Variants in EXTL3 observed in about 807,000 individuals in gnomAD.
EXTL3 encodes exostosin like glycosyltransferase 3.
A neutral mutation model predicts 69.3 loss-of-function variants in EXTL3; 27 were observed. That is an observed-to-expected ratio of 0.39 (90% CI 0.29 to 0.54). EXTL3 has a LOEUF of 0.54. Among genes scored for constraint, EXTL3 ranks in the 20% least tolerant of loss-of-function variants. EXTL3 has a pLI of 0.69. For synonymous variants in EXTL3, 511 were observed against 499.4 expected, an observed-to-expected ratio of 1.02 and a Z score of -0.31; for missense variants, 1,003 against 1,231.8, an observed-to-expected ratio of 0.81 and a Z score of 2.78.
chr8:28,709,690 C>T (rs1469217898), intron 1 of EXTL3, among the ~76,000 whole-genome samples: 2 of 152,136 alleles, frequency 1.3e-5, no homozygotes, highest in South Asian at 2.1e-4. Flanking sequence ...TTTAGTTTTA[C>T]AAGGAGAAAA....
chr8:28,754,716 G>A lies in EXTL3; in HGVS notation c.*3850G>A, dbSNP rs1238863983. On this transcript the variant is annotated 3_prime_UTR_variant, in exon 7 of 7. Transcript: ENST00000220562. ...TCTGCCAAGGTGGTAAATGTTAGCT[G>A]TTGATGGGATCATCACTGAAGTGGA... 6.6e-6 allele frequency: 1 copy of A among 152,242 alleles called. No individual in the cohort carries two copies. Among genetic ancestry groups the A allele is most frequent in the Non-Finnish European group, 1.5e-5 (1 of 68,082 alleles). The allele number at this position is 152,242 out of a possible 1,614,324, so 9.4% of individuals were successfully genotyped here. A position where few individuals can be genotyped will look rare whatever the true frequency, so the allele number is the denominator to read the frequency against.
chr8:28,696,538 T>A (rs1170987296), upstream of EXTL3: 1 of 152,224 alleles, frequency 6.6e-6, no homozygotes, highest in African/African-American at 2.4e-5. Context: ...TAAAGTATTC[T>A]GTGCATGCAT....
chr8:28,706,662 A>G (rs188482355), intron 1 of EXTL3, among the ~76,000 whole-genome samples: 12 of 152,332 alleles, frequency 7.9e-5, no homozygotes, highest in Admixed American at 6.5e-4. Flanking sequence ...ATATCACAGT[A>G]TCTTGTTTGA....
intron 1 of EXTL3, among the ~76,000 whole-genome samples, chr8:28,693,612 A>T (rs1473162335): frequency 1.3e-5 from 2 of 152,244 alleles, no homozygotes; most frequent in African/African-American, 4.8e-5. Flanking sequence ...TGAAACTGAT[A>T]TTAACTCAGT....
At chr8:28,673,813 A>T (rs17059295) in intron 1 of EXTL3, among the ~76,000 whole-genome samples, 2,193 of 152,252 alleles carry the variant, frequency 0.014, 56 homozygotes, top group African/African-American at 0.049. Flanking sequence ...AAAACTTTGT[A>T]TAGATTTTGG....
Position 28,750,640 on chromosome 8 carries a change from C to G in EXTL3, c.2551-17C>G, listed in dbSNP as rs773124186. 4.4e-6 allele frequency: 7 copies of G among 1,608,360 alleles called. No homozygotes were observed. Among genetic ancestry groups the G allele is most frequent in the Admixed American group, 3.3e-5 (2 of 60,014 alleles). On this transcript the variant is annotated splice_polypyrimidine_tract_variant and intron_variant, in intron 6 of 6. Coordinates refer to ENST00000220562, the MANE Select transcript of EXTL3 (RefSeq NM_001440.4). This position sits in a 1 kb window ranked among gnomAD's most constrained non-coding sequence, Gnocchi z 5.2. Reference sequence around the variant, plus strand: ...ATTAGCTGGGATTCCCACTCTGTCTCTCTCTCCCGTTTCCAGGTGACCTCA... The same window carrying G: ...ATTAGCTGGGATTCCCACTCTGTCTGTCTCTCCCGTTTCCAGGTGACCTCA...
At chr8:28,727,449 G>GT (rs1486233247) in intron 3 of EXTL3, among the ~76,000 whole-genome samples, 1 of 152,166 alleles carries the variant, frequency 6.6e-6, no homozygotes, top group African/African-American at 2.4e-5. Flanking sequence ...CCCCACCTAA[G>GT]TCTTCTAAAG....
chr8:28,676,411 C>T (rs561975027), intron 1 of EXTL3, among the ~76,000 whole-genome samples: 3 of 152,160 alleles, frequency 2.0e-5, no homozygotes, highest in Non-Finnish European at 2.9e-5. Flanking sequence ...GGGTGGCAGG[C>T]GCCAAGGGGG....
At chr8:28,738,532 T>C (rs1235860510) in intron 5 of EXTL3, among the ~76,000 whole-genome samples, 2 of 152,230 alleles carry the variant, frequency 1.3e-5, no homozygotes, top group African/African-American at 4.8e-5. Flanking sequence ...TTGCCTTCTG[T>C]GTCCGTGAGT....
chr8:28,717,120 G>A lies in EXTL3; in HGVS notation c.1061G>A (p.Arg354Lys). The change falls in exon 3 of 7, where the codon AGG becomes AAG. Residue 354 changes from arginine (R) to lysine (K), a missense_variant. By Grantham distance (26) the Arg-to-Lys change is conservative (BLOSUM62 2). This residue lies in a region of EXTL3 where 742 missense variants were observed against 815.4 expected (regional missense o/e 0.91). Transcript: ENST00000220562. The surrounding 1 kb of genome is among the most constrained non-coding windows in gnomAD (Gnocchi z 8.3). ...CAGGGCGAGAAGATTGAGTCTCTGAGGTCTAGCCTTCAGGAGGCCCGCTCC... is the reference window on the plus strand; with the variant it reads ...CAGGGCGAGAAGATTGAGTCTCTGAAGTCTAGCCTTCAGGAGGCCCGCTCC... ...TFQGEKIESL[R>K]SSLQEARSFE... is the part of the protein sequence containing the mutation. 1 of 1,614,260 alleles carries A rather than the reference G, an allele frequency of 6.2e-7. No homozygotes were observed. Among genetic ancestry groups the A allele is most frequent in the South Asian group, 1.1e-5 (1 of 91,090 alleles).
chr8:28,635,087 G>A (rs1434932265), intron 1 of EXTL3, among the ~76,000 whole-genome samples: 1 of 152,086 alleles, frequency 6.6e-6, no homozygotes, highest in Non-Finnish European at 1.5e-5. Flanking sequence ...GAAGGACCGG[G>A]AGGAATGAAC....
chr8:28,731,799 C>T lies in EXTL3; in HGVS notation c.2276+449C>T, dbSNP rs577609405. 5.9e-5 allele frequency among the ~76,000 whole-genome samples: 9 copies of T among 151,496 alleles called. No individual in the cohort carries two copies. In the South Asian group the frequency reaches 6.3e-4, roughly 11 times the overall value. On this transcript the variant is annotated intron_variant, in intron 4 of 6. Coordinates refer to ENST00000220562, the MANE Select transcript of EXTL3 (RefSeq NM_001440.4). ...AATGGAACAGTGCCAGGATCCTGGACCCAAAAAGATTTGGGGGAAGGAGGG... is the reference window on the plus strand; with the variant it reads ...AATGGAACAGTGCCAGGATCCTGGATCCAAAAAGATTTGGGGGAAGGAGGG...
intron 1 of EXTL3, among the ~76,000 whole-genome samples, chr8:28,652,633 G>T (rs1035095998): frequency 3.3e-5 from 5 of 151,708 alleles, no homozygotes; most frequent in Non-Finnish European, 7.4e-5. Flanking sequence ...TAGCCCAGAC[G>T]ACAAAGTGAG....
At chr8:28,648,768 A>G (rs1294292860) in intron 1 of EXTL3, among the ~76,000 whole-genome samples, 30 of 151,958 alleles carry the variant, frequency 2.0e-4, no homozygotes, top group Admixed American at 2.0e-3. Context: ...TTTATTAGAG[A>G]TAGGGTTTTG....
At chr8:28,629,539 C>T (rs952362962) in intron 1 of EXTL3, among the ~76,000 whole-genome samples, 12 of 151,968 alleles carry the variant, frequency 7.9e-5, no homozygotes, top group Non-Finnish European at 1.6e-4. Context: ...TGCCAGTTGC[C>T]CTTGGACATA....
At chr8:28,639,855 C>T (rs1166690939) in intron 1 of EXTL3, among the ~76,000 whole-genome samples, 1 of 152,232 alleles carries the variant, frequency 6.6e-6, no homozygotes, top group Non-Finnish European at 1.5e-5. Flanking sequence ...GTAATCCCAG[C>T]ACTTTGGGAG....
intron 1 of EXTL3, among the ~76,000 whole-genome samples, chr8:28,672,400 C>T (rs573513168): frequency 1.2e-3 from 126 of 108,418 alleles, no homozygotes; most frequent in African/African-American, 4.2e-3. Flanking sequence ...TCTGGGCAAC[C>T]GAGCGAGACT....
In EXTL3 at chr8:28,716,309, C is replaced by T. The variant is rs1801145430; in HGVS notation, c.250C>T (p.Arg84Cys). 3.1e-6 allele frequency: 5 copies of T among 1,614,202 alleles called. No homozygotes were observed. The highest frequency in any genetic ancestry group is 1.1e-5 in the South Asian group (1 of 91,084). ...CEVKHVLDLC[R>C]IRESVSEELL... ...GGTGAAGCACGTGCTGGATCTGTGC[C>T]GCATCCGGGAGTCGGTGAGTGAAGA... Residue 84 changes from arginine (R) to cysteine (C), a missense_variant, in exon 3 of 7, where the codon CGC (arginine) becomes TGC (cysteine). Physicochemically the swap from Arg to Cys is radical, Grantham distance 180 (BLOSUM62 -3). Transcript: ENST00000220562. This position sits in a 1 kb window ranked among gnomAD's most constrained non-coding sequence, Gnocchi z 7.1.
In EXTL3 at chr8:28,716,460, T is replaced by G; in HGVS notation, c.401T>G (p.Val134Gly). ...AKQDLLQLKN[V>G]ISQTEHSYKE... The stretch of plus-strand genomic sequence containing the variant: ...CAGGACCTGCTCCAGCTCAAGAATG[T>G]CATCAGCCAGACCGAGCATTCCTAC... Residue 134 changes from valine to glycine, a missense_variant, in exon 3 of 7, where the codon GTC becomes GGC. Around this residue, in one of 2 missense-constraint regions of EXTL3, gnomAD observed 742 missense variants for 815.4 expected, o/e 0.91. Transcript: ENST00000220562. This position sits in a 1 kb window ranked among gnomAD's most constrained non-coding sequence, Gnocchi z 7.1. 1.2e-6 allele frequency: 2 copies of G among 1,613,856 alleles called. No homozygotes were observed. Among genetic ancestry groups the G allele is most frequent in the Non-Finnish European group, 1.7e-6 (2 of 1,179,974 alleles).
Sources: gnomAD v4.1 joint callset for allele counts (sites outside exome capture counted in the v4.1 genomes callset) on GRCh38, gnomAD v4.1.1 for gene constraint, gnomAD v4.1.1 regional missense constraint, Gnocchi (gnomAD v3.1) non-coding constraint, MANE v1.5 for transcripts, NCBI Gene and HGNC (gene_info 2026-07-23, HGNC 2026-07-21) for gene names.